CTTNBP2: variants seen among roughly 807,000 people sequenced by gnomAD.
CTTNBP2 encodes the protein cortactin binding protein 2.
In CTTNBP2, 108 loss-of-function variants were observed where a neutral mutation model predicts 156.9. That is an observed-to-expected ratio of 0.69 (90% confidence interval 0.59 to 0.81). The LOEUF (loss-of-function observed/expected upper bound fraction) is 0.81. Ranked by LOEUF, CTTNBP2 falls within the 30% of genes least tolerant of loss-of-function variation. The pLI is 0.00. For missense variants in CTTNBP2, 1,924 were observed against 2,035.4 expected (o/e 0.95, Z 1.05); for synonymous variants, 767 against 751.8 (o/e 1.02, Z -0.33).
chr7:117,761,446 T>C (rs937552921), intron 9 of CTTNBP2, among the ~76,000 whole-genome samples: 9 of 152,224 alleles, frequency 5.9e-5, no homozygotes, highest in Non-Finnish European at 2.9e-5. Flanking sequence ...CATGACTGAA[T>C]TGTATGCTGA....
At chr7:117,713,946 A>AAGAGAAGTCTAG (rs1307575487) in intron 22 of CTTNBP2, 1 of 152,218 alleles carries the variant, frequency 6.6e-6, no homozygotes, top group East Asian at 1.9e-4. Flanking sequence ...AGGGAAAGGA[A>AAGAGAAGTCTAG]AGAGAAGTCT....
At chr7:117,752,633 C>G (rs1796671865) in intron 12 of CTTNBP2, among the ~76,000 whole-genome samples, 1 of 152,122 alleles carries the variant, frequency 6.6e-6, no homozygotes, top group Admixed American at 6.5e-5. Flanking sequence ...GGTTTTAACA[C>G]ATGCATTTTA....
chr7:117,812,028 G>C (rs1386016796), intron 2 of CTTNBP2, among the ~76,000 whole-genome samples: 1 of 151,024 alleles, frequency 6.6e-6, no homozygotes, highest in Non-Finnish European at 1.5e-5. Context: ...AACTTTAAAA[G>C]GCATCTATCT....
At position 117,794,877 on chromosome 7, in the gene CTTNBP2, C is replaced by CTTTT. The variant is rs755340586; in HGVS notation, c.415-2100_415-2097dup. 7.7e-4 allele frequency among the ~76,000 whole-genome samples: 68 copies of CTTTT among 88,316 alleles called. 8 individuals carry two copies. Among genetic ancestry groups the CTTTT allele is most frequent in the African/African-American group, 2.7e-3 (52 of 18,946 alleles). 57.9% of individuals were successfully genotyped at this position (88,316 alleles called of 152,430 possible). On this transcript the variant is annotated intron_variant, in intron 3 of 22. Coordinates refer to ENST00000160373, the MANE Select transcript of CTTNBP2 (RefSeq NM_033427.3). ...TCATATACTGTTTTTATATGTATATCTTTTTTTTTTTTTTTTTTTTTTTTT... is the reference window on the plus strand; with the variant it reads ...TCATATACTGTTTTTATATGTATATCTTTTTTTTTTTTTTTTTTTTTTTTTTTTT...
rs1802013611 is a variant in CTTNBP2, at chr7:117,837,263, TAAC to T, written c.189+23943_189+23945del. On this transcript the variant is annotated intron_variant, in intron 2 of 22. Transcript: ENST00000160373. ...TAAGCCATTGAATGCCAGACTATTG[TAAC>T]AACAACAAAACCACCAATAACAACA... is the stretch of plus-strand genomic sequence containing the variant. Among the ~76,000 whole-genome samples the T allele has an allele frequency of 4.6e-5, 7 of 152,340 alleles. No individual in the cohort carries two copies. In the South Asian group the frequency reaches 1.2e-3, roughly 27 times the overall value.
chr7:117,839,782 T>C (rs933708845), intron 2 of CTTNBP2, among the ~76,000 whole-genome samples: 1 of 152,192 alleles, frequency 6.6e-6, no homozygotes, highest in Non-Finnish European at 1.5e-5. Flanking sequence ...AGCTTTATTA[T>C]CATCTACAGG....
chr7:117,714,643 A>G (rs185354755), intron 22 of CTTNBP2, among the ~76,000 whole-genome samples: 3 of 152,334 alleles, frequency 2.0e-5, no homozygotes, highest in Non-Finnish European at 4.4e-5. Context: ...TCCACATGAA[A>G]TAAAGTACTG....
chr7:117,713,841 T>A (rs1794190804), intron 22 of CTTNBP2: 1 of 152,228 alleles, frequency 6.6e-6, no homozygotes, highest in African/African-American at 2.4e-5. Context: ...TATACTTGGC[T>A]AGTGGTTTGG....
At chr7:117,810,664 C>T (rs1800219320) in intron 3 of CTTNBP2, 101 bp downstream of exon 3, 1 of 911,704 alleles carries the variant, frequency 1.1e-6, no homozygotes, top group South Asian at 1.5e-5. Context: ...TTATTGCAAT[C>T]CTGTCTGAAA....
chr7:117,713,555 C>T (rs1794175187), intron 22 of CTTNBP2, among the ~76,000 whole-genome samples: 1 of 152,120 alleles, frequency 6.6e-6, no homozygotes, highest in Non-Finnish European at 1.5e-5. Flanking sequence ...CCAATGTTAC[C>T]CACAAAATGG....
chr7:117,833,820 G>C (rs1801766839), intron 2 of CTTNBP2, among the ~76,000 whole-genome samples: 1 of 152,172 alleles, frequency 6.6e-6, no homozygotes, highest in Non-Finnish European at 1.5e-5. Flanking sequence ...TAGTTTAAGT[G>C]TCCATTGCTA....
At chr7:117,771,644 A>G (rs1057440045) in intron 8 of CTTNBP2, among the ~76,000 whole-genome samples, 35 of 152,236 alleles carry the variant, frequency 2.3e-4, no homozygotes, top group African/African-American at 8.2e-4. Context: ...GACAGCAAGG[A>G]GACCAGTTAA....
chr7:117,781,414 A>T (rs1165871394), intron 6 of CTTNBP2, among the ~76,000 whole-genome samples: 1 of 152,178 alleles, frequency 6.6e-6, no homozygotes, highest in Non-Finnish European at 1.5e-5. Flanking sequence ...ATTAAGTGAC[A>T]TGTTGATATA....
chr7:117,759,765 A>G (rs890518742), intron 10 of CTTNBP2, among the ~76,000 whole-genome samples: 1 of 152,218 alleles, frequency 6.6e-6, no homozygotes, highest in African/African-American at 2.4e-5. Flanking sequence ...AGGACCTTTT[A>G]TAAGCACCCA....
chr7:117,760,142 G>T, intron 10 of CTTNBP2: 1 of 418,754 alleles, frequency 2.4e-6, no homozygotes. Flanking sequence ...CAGCTGTGGG[G>T]TGTTTAGTTT....
At chr7:117,727,509 T>C (rs1430349002) in intron 17 of CTTNBP2, among the ~76,000 whole-genome samples, 2 of 152,220 alleles carry the variant, frequency 1.3e-5, no homozygotes, top group East Asian at 3.8e-4. Context: ...ATATTATTTC[T>C]ATCCCCTGCT....
At chr7:117,826,862 T>TATTATG (rs966401371) in intron 2 of CTTNBP2, among the ~76,000 whole-genome samples, 1 of 140,682 alleles carries the variant, frequency 7.1e-6, no homozygotes, top group Non-Finnish European at 1.5e-5. Context: ...TTATTATTAT[T>TATTATG]ATTATTATTA....
chr7:117,850,155 C>A (rs2117186204), intron 2 of CTTNBP2, among the ~76,000 whole-genome samples: 1 of 152,316 alleles, frequency 6.6e-6, no homozygotes, highest in Admixed American at 6.5e-5. Flanking sequence ...AGGTTTATGT[C>A]TCTTCACCTT....
intron 20 of CTTNBP2, among the ~76,000 whole-genome samples, chr7:117,720,709 G>C (rs1186451809): frequency 1.3e-5 from 2 of 152,018 alleles, no homozygotes; most frequent in Non-Finnish European, 2.9e-5. Flanking sequence ...AAAGAAAAAA[G>C]TCATACTGTT....
Sources: allele counts gnomAD v4.1 joint callset (sites outside exome capture counted in the v4.1 genomes callset), GRCh38; gene constraint gnomAD v4.1.1; transcripts MANE v1.5; gene names NCBI Gene and HGNC (gene_info 2026-07-23, HGNC 2026-07-21).